Variants in CPXM2 observed in about 807,000 individuals in gnomAD.
CPXM2 encodes the protein carboxypeptidase X, M14 family member 2.
CPXM2 carries 66 observed loss-of-function variants against 86.1 expected under a neutral mutation model. The ratio of observed to expected loss-of-function variants is 0.77; its 90% confidence interval spans 0.63 to 0.94. The LOEUF is 0.94. CPXM2 is among the 40% of genes least tolerant of loss of function. CPXM2 has a pLI of 0.00. For synonymous variants in CPXM2, 388 were observed against 400.2 expected, an observed-to-expected ratio of 0.97 and a Z score of 0.36; for missense variants, 948 against 1,026.3, an observed-to-expected ratio of 0.92 and a Z score of 1.04.
rs1846546388 is a variant in CPXM2, at chr10:123,768,514, CA to C, written c.1299+11del. On this transcript the variant is annotated intron_variant, in intron 9 of 13. Coordinates refer to ENST00000241305, the MANE Select transcript of CPXM2 (RefSeq NM_198148.3). ...CCATGTCCTATTGGGTGAGATGGGCCAGGGCCATTACCCCTTCGTAGGCCTT... is the reference window on the plus strand; with the variant it reads ...CCATGTCCTATTGGGTGAGATGGGCCGGGCCATTACCCCTTCGTAGGCCTT... The C allele has an allele frequency of 6.2e-7, 1 of 1,605,634 alleles. No individual in the cohort carries two copies. Among genetic ancestry groups the C allele is most frequent in the Non-Finnish European group, 8.5e-7 (1 of 1,174,838 alleles).
intron 4 of CPXM2, among the ~76,000 whole-genome samples, chr10:123,810,459 A>C (rs1847666394): frequency 6.6e-6 from 1 of 152,104 alleles, no homozygotes; most frequent in African/African-American, 2.4e-5. Flanking sequence ...TTAAGCATAC[A>C]TACAACATTT....
At chr10:123,924,853 C>T (rs1945610463) in intron 2 of CPXM2, among the ~76,000 whole-genome samples, 1 of 151,974 alleles carries the variant, frequency 6.6e-6, no homozygotes, top group Non-Finnish European at 1.5e-5. Context: ...GATTTAGGAG[C>T]TCTGTGTCAG....
intron 2 of CPXM2, among the ~76,000 whole-genome samples, chr10:123,918,630 A>C (rs1316225078): frequency 6.6e-6 from 1 of 152,178 alleles, no homozygotes; most frequent in Admixed American, 6.5e-5. Flanking sequence ...CAGCTCTTGC[A>C]GTGCACAGCT....
intron 1 of CPXM2, chr10:123,887,083 A>G (rs769687219): frequency 6.6e-6 from 1 of 152,226 alleles, no homozygotes; most frequent in Non-Finnish European, 1.5e-5. Flanking sequence ...GAAACAGCTA[A>G]ATAAATGGAA....
intron 2 of CPXM2, among the ~76,000 whole-genome samples, chr10:123,914,364 T>G (rs982667972): frequency 1.4e-4 from 21 of 152,300 alleles, no homozygotes; most frequent in African/African-American, 4.8e-4. Flanking sequence ...TAGCGCTGGG[T>G]CTGGGCCCCT....
At position 123,822,621 on chromosome 10, in the gene CPXM2, G is replaced by C. The variant is rs1265504778; in HGVS notation, c.653+19728C>G. Among the ~76,000 whole-genome samples, 6 of 151,938 alleles carry C rather than the reference G, an allele frequency of 3.9e-5. No individual in the cohort carries two copies. In the East Asian group the frequency reaches 1.2e-3, roughly 29 times the overall value. ...CTAAAGAGTCAAGATGAACTAACTA[G>C]GTGAGGATTGGGTGGCATTTCATTT... On this transcript the variant is annotated intron_variant, in intron 4 of 13. Transcript: ENST00000241305.
chr10:123,751,168 G>T, intron 13 of CPXM2: 2 of 475,362 alleles, frequency 4.2e-6, no homozygotes, highest in Non-Finnish European at 5.5e-6. Context: ...GAACTGCACG[G>T]CTTAGCGCCA....
upstream of CPXM2, among the ~76,000 whole-genome samples, chr10:123,894,364 T>G (rs901522530): frequency 6.6e-6 from 1 of 152,170 alleles, no homozygotes; most frequent in Non-Finnish European, 1.5e-5. Context: ...TTATTACTGC[T>G]CTCCCTATCA....
intron 6 of CPXM2, among the ~76,000 whole-genome samples, chr10:123,782,603 C>T (rs1305347038): frequency 2.6e-5 from 4 of 152,136 alleles, no homozygotes; most frequent in Non-Finnish European, 5.9e-5. Context: ...TGAGACCCTC[C>T]CTATTAGGAG....
intron 2 of CPXM2, among the ~76,000 whole-genome samples, chr10:123,902,115 G>T (rs1945387762): frequency 6.6e-6 from 1 of 152,178 alleles, no homozygotes. Flanking sequence ...TGCTCTTATT[G>T]GGGGTGAAGG....
chr10:123,896,448 T>C (rs1217549268), upstream of CPXM2, among the ~76,000 whole-genome samples: 1 of 152,262 alleles, frequency 6.6e-6, no homozygotes, highest in African/African-American at 2.4e-5. Flanking sequence ...ATAGTTTAAA[T>C]GGCAGTGTCC....
chr10:123,764,812 ATTTAT>A (rs1291986463), intron 10 of CPXM2, among the ~76,000 whole-genome samples: 1 of 150,120 alleles, frequency 6.7e-6, no homozygotes, highest in Non-Finnish European at 1.5e-5. Flanking sequence ...TAATTAATTT[ATTTAT>A]TTATTTGCTA....
chr10:123,800,920 G>A (rs1294043008), intron 4 of CPXM2, among the ~76,000 whole-genome samples: 3 of 152,072 alleles, frequency 2.0e-5, no homozygotes, highest in Admixed American at 6.6e-5. Context: ...AAGTCTCTGC[G>A]ACATCTCAAA....
intron 7 of CPXM2, among the ~76,000 whole-genome samples, chr10:123,771,599 G>A (rs560900414): frequency 6.6e-6 from 1 of 152,290 alleles, no homozygotes; most frequent in African/African-American, 2.4e-5. Flanking sequence ...ATAGATTTCT[G>A]TTATTTATAA....
intron 2 of CPXM2, chr10:123,913,529 T>G (rs2134272393): frequency 6.0e-6 from 1 of 166,194 alleles, no homozygotes; most frequent in South Asian, 1.6e-4. Flanking sequence ...ATTCCGCACC[T>G]TGTTCCCACA....
In CPXM2 at chr10:123,751,130, A is replaced by G. The variant is rs913899326; in HGVS notation, c.2017+3533T>C. On this transcript the variant is annotated intron_variant, in intron 13 of 13. Transcript: ENST00000241305. The stretch of plus-strand genomic sequence containing the variant: ...ATGGATGAAAGAAGTATGCAGACAC[A>G]GGTATTTTGCCTGAGCGTGTGGCTA... 6.6e-6 allele frequency: 6 copies of G among 907,128 alleles called. No homozygotes were observed. In the South Asian group the frequency reaches 2.5e-4, roughly 38 times the overall value. 56.2% of individuals were successfully genotyped at this position (907,128 alleles called of 1,614,324 possible).
chr10:123,780,801 T>A (rs1846916750), intron 6 of CPXM2, among the ~76,000 whole-genome samples: 1 of 152,092 alleles, frequency 6.6e-6, no homozygotes, highest in African/African-American at 2.4e-5. Flanking sequence ...TTTCCACTTC[T>A]AGGAAGATCT....
At chr10:123,886,402 G>T (rs977727011) in intron 1 of CPXM2, among the ~76,000 whole-genome samples, 1 of 152,070 alleles carries the variant, frequency 6.6e-6, no homozygotes, top group African/African-American at 2.4e-5. Flanking sequence ...ACTGGCTTAC[G>T]GCACACACAA....
In CPXM2 at chr10:123,757,083, C is replaced by T. The variant is rs144223997; in HGVS notation, c.1917+130G>A. On this transcript the variant is annotated intron_variant, in intron 12 of 13. Transcript: ENST00000241305. ...CAAGTGTCAACACACAGTGGCTCCT[C>T]GCAGCACTGTGCTGGCCCAGGATGA... The T allele has an allele frequency of 1.3e-4, 104 of 811,916 alleles. No homozygotes were observed. In the East Asian group the frequency reaches 2.4e-3, roughly 19 times the overall value. 50.3% of individuals were successfully genotyped at this position (811,916 alleles called of 1,614,324 possible). A position where few individuals can be genotyped will look rare whatever the true frequency, so the allele number is the denominator to read the frequency against.
Sources: gnomAD v4.1 joint callset for allele counts (sites outside exome capture counted in the v4.1 genomes callset) on GRCh38, gnomAD v4.1.1 for gene constraint, MANE v1.5 for transcripts, NCBI Gene and HGNC (gene_info 2026-07-23, HGNC 2026-07-21) for gene names.